The following ZNF493 variants were observed in gnomAD, a reference collection of about 807,000 sequenced individuals.
ZNF493 encodes zinc finger protein 493.
Under a neutral mutation model 12.2 loss-of-function variants are expected in ZNF493, and 11 were observed. The ratio of observed to expected loss-of-function variants is 0.90; its 90% CI spans 0.57 to 1.50. The LOEUF is 1.50. Among genes scored for constraint, ZNF493 ranks in the 40% most tolerant of loss-of-function variants. The probability of loss-of-function intolerance (pLI) is 0.00; values close to 1 mark genes in which losing one functional copy is unlikely to be tolerated. For synonymous variants in ZNF493, 286 were observed against 302.6 expected (o/e 0.95, Z 0.57); for missense variants, 950 against 906.6 (o/e 1.05, Z -0.61).
chr19:21,424,370 A>T lies in ZNF493; in HGVS notation c.1711A>T (p.Lys571Ter), dbSNP rs772423654. 6.2e-7 allele frequency: 1 copy of T among 1,613,510 alleles called. No homozygotes were observed. The highest frequency in any genetic ancestry group is 8.5e-7 in the Non-Finnish European group (1 of 1,179,700). ...ACATAAGAGAATTCATACTGGACAC[A>T]AACCCTACAAATGTAAAGAATGTGG... ...TTHKRIHTGH[K>*]PYKCKECGKS... is the part of the protein sequence containing the mutation. The change falls in exon 4 of 4, where the codon AAA becomes TAA. Residue 571 changes from lysine to a stop codon, truncating the protein, a stop_gained. Coordinates refer to ENST00000392288, the MANE Select transcript of ZNF493 (RefSeq NM_001076678.3). LOFTEE classifies it low-confidence loss of function (END_TRUNC).
intron 1 of ZNF493, among the ~76,000 whole-genome samples, chr19:21,400,103 T>C (rs377221800): frequency 9.2e-5 from 14 of 152,160 alleles, no homozygotes; most frequent in African/African-American, 2.9e-4. Context: ...TTGCTTTTCT[T>C]ATTAAGGTAT....
At chr19:21,414,906 A>G (rs1428075003) in intron 3 of ZNF493, among the ~76,000 whole-genome samples, 1 of 152,222 alleles carries the variant, frequency 6.6e-6, no homozygotes, top group Non-Finnish European at 1.5e-5. Context: ...TTTTAGGAAA[A>G]TGATTATCGA....
In ZNF493 at chr19:21,425,280, GA is replaced by G. The variant is rs1344197118; in HGVS notation, c.*298del. ...CATAGAGAAATCCTACAAATATGAAGAATGTGACAAAGCTTTTAACCACTTC... is the reference window on the plus strand; with the variant it reads ...CATAGAGAAATCCTACAAATATGAAGATGTGACAAAGCTTTTAACCACTTC... On this transcript the variant is annotated 3_prime_UTR_variant, in exon 4 of 4. Transcript: ENST00000392288. 8.5e-6 allele frequency: 4 copies of G among 469,398 alleles called. No individual in the cohort carries two copies. In the East Asian group the frequency reaches 1.7e-4, roughly 20 times the overall value. 29.1% of individuals were successfully genotyped at this position (469,398 alleles called of 1,614,324 possible). A position where few individuals can be genotyped will look rare whatever the true frequency, so the allele number is the denominator to read the frequency against.
Position 21,425,988 on chromosome 19 carries a change from A to G in ZNF493, c.*1004A>G, listed in dbSNP as rs1334016171. 3.1e-6 allele frequency: 2 copies of G among 648,420 alleles called. No homozygotes were observed. The highest frequency in any genetic ancestry group is 5.4e-6 in the Non-Finnish European group (2 of 370,386). The allele number at this position is 648,420 out of a possible 1,614,324, so 40.2% of individuals were successfully genotyped here. ...AACCAGTCCTCAATTTTTACTAAAC[A>G]TAAGAAAATTCATACTGGAGAGAAA... On this transcript the variant is annotated 3_prime_UTR_variant, in exon 4 of 4. Coordinates refer to ENST00000392288, the MANE Select transcript of ZNF493 (RefSeq NM_001076678.3).
chr19:21,422,906 C>A lies in ZNF493; in HGVS notation c.254-7C>A, dbSNP rs762856847. 9 of 1,526,790 alleles carry A rather than the reference C, an allele frequency of 5.9e-6. No individual in the cohort carries two copies. The East Asian group carries it at 1.6e-4, about 27-fold the overall frequency. The allele number at this position is 1,526,790 out of a possible 1,614,324, so 94.6% of individuals were successfully genotyped here. A position where few individuals can be genotyped will look rare whatever the true frequency, so the allele number is the denominator to read the frequency against. On this transcript the variant is annotated splice_region_variant and splice_polypyrimidine_tract_variant and intron_variant, in intron 3 of 3. Coordinates refer to ENST00000392288, the MANE Select transcript of ZNF493 (RefSeq NM_001076678.3). ...GTGGAGTAATTTGATATTTTTATTTCTTTCAGTTATATGTTCTCATTTTGC... is the reference window on the plus strand; with the variant it reads ...GTGGAGTAATTTGATATTTTTATTTATTTCAGTTATATGTTCTCATTTTGC...
chr19:21,409,525 C>G (rs575335405), intron 3 of ZNF493, among the ~76,000 whole-genome samples: 2 of 151,534 alleles, frequency 1.3e-5, no homozygotes, highest in African/African-American at 2.4e-5. Context: ...AGGAAGATCA[C>G]TTGAGCCCAA....
At position 21,420,615 on chromosome 19, in the gene ZNF493, ATATATATATTTTTTTTTTTT is replaced by A. The variant is rs1423446924; in HGVS notation, c.254-2296_254-2277del. On this transcript the variant is annotated intron_variant, in intron 3 of 3. Coordinates refer to ENST00000392288, the MANE Select transcript of ZNF493 (RefSeq NM_001076678.3). The stretch of plus-strand genomic sequence containing the variant: ...ATTATATATATATATATATATATAT[ATATATATATTTTTTTTTTTT>A]TTTTTTTTTTTTTTTTTTTTCAGAA... Among the ~76,000 whole-genome samples, 8 of 13,384 alleles carry A rather than the reference ATATATATATTTTTTTTTTTT, an allele frequency of 6.0e-4. No homozygotes were observed. The East Asian group carries it at 0.014, about 24-fold the overall frequency. The allele number at this position is 13,384 out of a possible 152,430, so 8.8% of individuals were successfully genotyped here. A position where few individuals can be genotyped will look rare whatever the true frequency, so the allele number is the denominator to read the frequency against.
intron 3 of ZNF493, among the ~76,000 whole-genome samples, chr19:21,420,832 A>T (rs1283155884): frequency 1.3e-4 from 20 of 148,638 alleles, no homozygotes; most frequent in Non-Finnish European, 4.5e-5. Flanking sequence ...GCTCACTGCA[A>T]CCCCTGCCTC....
chr19:21,397,321 G>A (rs754496673), intron 1 of ZNF493, 54 bp downstream of exon 1: 3 of 1,607,766 alleles, frequency 1.9e-6, no homozygotes, highest in East Asian at 2.2e-5. Context: ...GCTCGGAACC[G>A]GTGGGAAGTG....
intron 3 of ZNF493, chr19:21,413,747 G>T (rs937413329): frequency 4.4e-5 from 14 of 317,828 alleles, no homozygotes; most frequent in African/African-American, 2.8e-4. Context: ...CCAACTTTTT[G>T]TTATTGGATC....
At chr19:21,399,560 A>T (rs1974228195) in intron 1 of ZNF493, among the ~76,000 whole-genome samples, 1 of 152,218 alleles carries the variant, frequency 6.6e-6, no homozygotes, top group African/African-American at 2.4e-5. Context: ...AAATTGCATT[A>T]TATTAGTAGG....
At chr19:21,416,059 A>C (rs1042447183) in intron 3 of ZNF493, among the ~76,000 whole-genome samples, 24 of 152,216 alleles carry the variant, frequency 1.6e-4, no homozygotes, top group African/African-American at 5.5e-4. Context: ...TCAGTAACTA[A>C]TTTCTCTAAA....
intron 3 of ZNF493, among the ~76,000 whole-genome samples, chr19:21,419,976 G>C (rs781596649): frequency 3.9e-5 from 6 of 152,008 alleles, no homozygotes; most frequent in African/African-American, 1.5e-4. Flanking sequence ...AAATTGACAC[G>C]GCCACTCCTC....
At chr19:21,402,760 C>T (rs2029990539) in intron 1 of ZNF493, among the ~76,000 whole-genome samples, 1 of 152,084 alleles carries the variant, frequency 6.6e-6, no homozygotes, top group African/African-American at 2.4e-5. Flanking sequence ...ATATGAGAGG[C>T]TCCAGGTATA....
chr19:21,403,835 C>T (rs2650848), intron 1 of ZNF493, among the ~76,000 whole-genome samples: 26,125 of 151,896 alleles, frequency 0.17, 2,537 homozygotes, highest in Non-Finnish European at 0.22. Context: ...TGCAAAATAT[C>T]TCTCTCCTAT....
intron 1 of ZNF493, chr19:21,397,479 A>G: frequency 4.7e-6 from 3 of 642,388 alleles, no homozygotes; most frequent in South Asian, 1.8e-5. Context: ...TCTTCCCTGC[A>G]CTGTGACTGT....
intron 2 of ZNF493, 86 bp from the exon 3 acceptor site, chr19:21,405,675 A>T: frequency 8.4e-7 from 1 of 1,191,736 alleles, no homozygotes; most frequent in South Asian, 1.6e-5. Context: ...AGAATATTCT[A>T]TTACATCCTC....
At chr19:21,419,918 G>A (rs1050761485) in intron 3 of ZNF493, among the ~76,000 whole-genome samples, 13 of 152,022 alleles carry the variant, frequency 8.6e-5, no homozygotes, top group African/African-American at 3.1e-4. Flanking sequence ...CCCCACTTTG[G>A]TGCCAACCCC....
intron 3 of ZNF493, chr19:21,414,274 A>G (rs1024349343): frequency 1.3e-5 from 2 of 152,222 alleles, no homozygotes; most frequent in Admixed American, 6.5e-5. Context: ...TTAGGTTCCA[A>G]TCCTCGAGGA....
Sources: allele counts gnomAD v4.1 joint callset (sites outside exome capture counted in the v4.1 genomes callset), GRCh38; gene constraint gnomAD v4.1.1; transcripts MANE v1.5; gene names NCBI Gene and HGNC (gene_info 2026-07-23, HGNC 2026-07-21).